Variants in UVRAG observed in about 807,000 individuals in gnomAD.
UVRAG encodes UV radiation resistance associated.
UVRAG carries 19 observed loss-of-function variants against 78.0 expected under a neutral mutation model. That is an observed-to-expected ratio of 0.24 (90% CI 0.17 to 0.36). The LOEUF (loss-of-function observed/expected upper bound fraction) is 0.36. Ranked by LOEUF, UVRAG falls within the 10% of genes least tolerant of loss-of-function variation. The probability of loss-of-function intolerance (pLI) is 1.00; values close to 1 mark genes in which losing one functional copy is unlikely to be tolerated. For synonymous variants in UVRAG, 323 were observed against 324.6 expected, an observed-to-expected ratio of 1.00 and a Z score of 0.05; for missense variants, 740 against 853.8, an observed-to-expected ratio of 0.87 and a Z score of 1.66.
chr11:76,089,310 C>T (rs1254338181), intron 13 of UVRAG, among the ~76,000 whole-genome samples: 1 of 152,086 alleles, frequency 6.6e-6, no homozygotes, highest in Non-Finnish European at 1.5e-5. Context: ...CTCTTCTAGT[C>T]AGAGAGCTGA....
chr11:75,894,024 A>T (rs1947283361), intron 5 of UVRAG, among the ~76,000 whole-genome samples: 1 of 152,216 alleles, frequency 6.6e-6, no homozygotes, highest in Non-Finnish European at 1.5e-5. Flanking sequence ...CACATAGAAG[A>T]TGATACCAAA....
intron 12 of UVRAG, among the ~76,000 whole-genome samples, chr11:76,048,052 G>C (rs998734851): frequency 6.6e-6 from 1 of 152,204 alleles, no homozygotes; most frequent in East Asian, 1.9e-4. Context: ...ATTAAAGGCA[G>C]GTGGTTATAT....
intron 13 of UVRAG, among the ~76,000 whole-genome samples, chr11:76,085,554 G>A (rs1438477386): frequency 6.6e-6 from 1 of 152,178 alleles, no homozygotes; most frequent in Non-Finnish European, 1.5e-5. Context: ...AGGAAGCAGG[G>A]CATTTATTTA....
chr11:75,840,225 A>C (rs1945880588), intron 1 of UVRAG, among the ~76,000 whole-genome samples: 1 of 152,090 alleles, frequency 6.6e-6, no homozygotes, highest in Non-Finnish European at 1.5e-5. Context: ...CATGTGTACA[A>C]ACTCTAGTTC....
At chr11:75,980,757 C>G (rs1949374919) in intron 7 of UVRAG, among the ~76,000 whole-genome samples, 1 of 150,546 alleles carries the variant, frequency 6.6e-6, no homozygotes, top group African/African-American at 2.5e-5. Context: ...CCTCGACTAA[C>G]TGCAACCTCC....
At chr11:75,950,962 GTACA>G (rs1374457528) in intron 6 of UVRAG, among the ~76,000 whole-genome samples, 1 of 126,050 alleles carries the variant, frequency 7.9e-6, no homozygotes, top group African/African-American at 3.8e-5. Context: ...TTTGTCAGGT[GTACA>G]CACACACACA....
intron 6 of UVRAG, among the ~76,000 whole-genome samples, chr11:75,957,018 A>ATTT (rs1565398318): frequency 2.1e-4 from 31 of 150,730 alleles, no homozygotes; most frequent in Admixed American, 7.9e-4. Context: ...TTTTTTTTTA[A>ATTT]ATTTTCCTAA....
At chr11:76,000,445 A>G (rs998624296) in intron 8 of UVRAG, among the ~76,000 whole-genome samples, 1 of 152,084 alleles carries the variant, frequency 6.6e-6, no homozygotes, top group Non-Finnish European at 1.5e-5. Flanking sequence ...AACACACACA[A>G]AAAAACTTAA....
At chr11:76,112,309 A>G (rs960964517) in intron 13 of UVRAG, among the ~76,000 whole-genome samples, 2 of 152,204 alleles carry the variant, frequency 1.3e-5, no homozygotes, top group Non-Finnish European at 2.9e-5. Context: ...ACCTAAGAAA[A>G]AGTATTTGCA....
At chr11:76,025,957 C>T (rs563000519) in intron 12 of UVRAG, among the ~76,000 whole-genome samples, 5 of 152,214 alleles carry the variant, frequency 3.3e-5, no homozygotes, top group South Asian at 2.1e-4. Flanking sequence ...TGGACCTTCC[C>T]GTTCTGCATA....
chr11:76,101,908 T>TG (rs990575651), intron 13 of UVRAG, among the ~76,000 whole-genome samples: 3 of 152,176 alleles, frequency 2.0e-5, no homozygotes, highest in South Asian at 2.1e-4. Flanking sequence ...CAGCCTTATT[T>TG]GGGGGGTCTA....
intron 2 of UVRAG, among the ~76,000 whole-genome samples, chr11:75,861,157 G>A (rs1454557635): frequency 2.6e-5 from 4 of 152,130 alleles, no homozygotes; most frequent in Non-Finnish European, 5.9e-5. Flanking sequence ...TGCTTACCAA[G>A]GACCTTCAAT....
At chr11:75,877,821 C>T (rs1177635841) in intron 3 of UVRAG, among the ~76,000 whole-genome samples, 2 of 134,162 alleles carry the variant, frequency 1.5e-5, no homozygotes, top group East Asian at 2.4e-4. Flanking sequence ...TGGGCAGAGG[C>T]GCCCCTCACC....
At chr11:75,894,409 G>C (rs181038928) in intron 5 of UVRAG, among the ~76,000 whole-genome samples, 6 of 152,124 alleles carry the variant, frequency 3.9e-5, no homozygotes, top group African/African-American at 1.4e-4. Context: ...CATTGCCCTA[G>C]ACAACAATAA....
chr11:75,968,608 T>C (rs1352432819), intron 7 of UVRAG, among the ~76,000 whole-genome samples: 1 of 152,208 alleles, frequency 6.6e-6, no homozygotes, highest in Non-Finnish European at 1.5e-5. Context: ...TTAGATTAAC[T>C]TGTAACCTTA....
chr11:76,105,520 G>A (rs1951953638), intron 13 of UVRAG, among the ~76,000 whole-genome samples: 1 of 152,216 alleles, frequency 6.6e-6, no homozygotes, highest in African/African-American at 2.4e-5. Context: ...GACCAAGGCA[G>A]GCAGATGGCT....
intron 5 of UVRAG, among the ~76,000 whole-genome samples, chr11:75,910,003 G>A (rs936036982): frequency 4.6e-5 from 7 of 152,166 alleles, no homozygotes; most frequent in Admixed American, 2.0e-4. Flanking sequence ...AAATTCATCA[G>A]TAAGACCATT....
At position 76,050,539 on chromosome 11, in the gene UVRAG, G is replaced by A. The variant is rs1037641674; in HGVS notation, c.1227-15171G>A. 3.9e-5 allele frequency among the ~76,000 whole-genome samples: 6 copies of A among 152,166 alleles called. No individual in the cohort carries two copies. In the East Asian group the frequency reaches 1.2e-3, roughly 29 times the overall value. On this transcript the variant is annotated intron_variant, in intron 12 of 14. Transcript: ENST00000356136. ...AACAGACATTTGTATAAAATATTGA[G>A]TAGAAAGTGCCAGGTGCATAAGAAT...
intron 6 of UVRAG, among the ~76,000 whole-genome samples, chr11:75,922,815 G>A (rs1240832939): frequency 1.3e-5 from 2 of 151,772 alleles, no homozygotes; most frequent in African/African-American, 2.4e-5. Context: ...GGGCGTGGTG[G>A]CACGCACCTG....
Sources: gnomAD v4.1 joint callset for allele counts (sites outside exome capture counted in the v4.1 genomes callset) on GRCh38, gnomAD v4.1.1 for gene constraint, MANE v1.5 for transcripts, NCBI Gene and HGNC (gene_info 2026-07-23, HGNC 2026-07-21) for gene names.